The following CENPP variants were observed in gnomAD, a reference collection of about 807,000 sequenced individuals.
CENPP encodes the protein centromere protein P.
In CENPP, 24 loss-of-function variants were observed where a neutral mutation model predicts 35.6. That is an observed-to-expected ratio of 0.67 (90% CI 0.49 to 0.95). The LOEUF (loss-of-function observed/expected upper bound fraction) is 0.95. CENPP is among the 40% of genes least tolerant of loss of function. The pLI, the probability that CENPP is intolerant of heterozygous loss-of-function variation, is 0.00. For missense variants in CENPP, 332 were observed against 345.3 expected (o/e 0.96, Z 0.31); for synonymous variants, 120 against 125.5 (o/e 0.96, Z 0.29).
intron 4 of CENPP, among the ~76,000 whole-genome samples, chr9:92,357,500 T>C (rs1234666298): frequency 2.1e-5 from 2 of 97,308 alleles, no homozygotes; most frequent in African/African-American, 7.3e-5. Context: ...TTATTATTAT[T>C]ATTATTATTT....
intron 5 of CENPP, chr9:92,522,606 A>C (rs562112795): frequency 6.2e-7 from 1 of 1,613,580 alleles, no homozygotes; most frequent in East Asian, 2.2e-5. Context: ...ATTCTACTCC[A>C]GGAAAACTTG....
chr9:92,501,120 A>G, intron 5 of CENPP: 5 of 1,502,836 alleles, frequency 3.3e-6, no homozygotes, highest in Middle Eastern at 1.7e-4. Context: ...CTAAATTTTG[A>G]TAAGGCCAGT....
In CENPP at chr9:92,616,399, T is replaced by C. The variant is rs1433439355; in HGVS notation, c.*3250T>C. The C allele has an allele frequency of 1.0e-4, 22 of 212,074 alleles. No individual in the cohort carries two copies. Among genetic ancestry groups the C allele is most frequent in the Non-Finnish European group, 4.8e-5 (5 of 105,000 alleles). 13.1% of individuals were successfully genotyped at this position (212,074 alleles called of 1,614,324 possible). On this transcript the variant is annotated 3_prime_UTR_variant, in exon 8 of 8. Transcript: ENST00000375587. ...GATGGAAAAGTAATTATGTGGAACA[T>C]GTGAGCGATGTTCCCCCAGCCCAGT...
At chr9:92,343,756 G>A (rs1841192729) in intron 3 of CENPP, among the ~76,000 whole-genome samples, 2 of 151,926 alleles carry the variant, frequency 1.3e-5, no homozygotes, top group Admixed American at 6.6e-5. Flanking sequence ...GGCCAGCCTG[G>A]GCAACATAGC....
In CENPP at chr9:92,536,869, A is replaced by ATTT. The variant is rs11459753; in HGVS notation, c.565-74431_565-74429dup. 1.8e-3 allele frequency among the ~76,000 whole-genome samples: 257 copies of ATTT among 141,560 alleles called. 3 individuals are homozygous for ATTT. The highest frequency in any genetic ancestry group is 7.0e-3 in the South Asian group (31 of 4,412). 92.9% of individuals were successfully genotyped at this position (141,560 alleles called of 152,430 possible). The stretch of plus-strand genomic sequence containing the variant: ...AGGTAATTTTAGAACTATTTTTTAA[A>ATTT]TTTTTTTTTTTTTTTTGAGACGGGA... On this transcript the variant is annotated intron_variant, in intron 5 of 7. Coordinates refer to ENST00000375587, the MANE Select transcript of CENPP (RefSeq NM_001012267.3).
At chr9:92,526,322 A>AC (rs1396346387) in intron 5 of CENPP, among the ~76,000 whole-genome samples, 3 of 152,254 alleles carry the variant, frequency 2.0e-5, no homozygotes, top group Non-Finnish European at 4.4e-5. Context: ...CAACTGTACA[A>AC]TGTATTTGTG....
chr9:92,411,583 C>T (rs1384476824), intron 5 of CENPP, among the ~76,000 whole-genome samples: 1 of 152,172 alleles, frequency 6.6e-6, no homozygotes, highest in Admixed American at 6.5e-5. Context: ...GTGTAATCCA[C>T]CATGCCAGGC....
intron 5 of CENPP, among the ~76,000 whole-genome samples, chr9:92,388,489 G>A (rs962255833): frequency 5.9e-5 from 9 of 151,680 alleles, no homozygotes; most frequent in African/African-American, 2.2e-4. Flanking sequence ...TCTTTAACAT[G>A]TCTGTTATTC....
intron 4 of CENPP, among the ~76,000 whole-genome samples, chr9:92,375,329 A>G (rs988464394): frequency 2.6e-5 from 4 of 151,080 alleles, no homozygotes; most frequent in Admixed American, 6.6e-5. Flanking sequence ...GACTCACTCT[A>G]TTGCCCAGGC....
At chr9:92,411,936 C>T (rs1434644145) in intron 5 of CENPP, among the ~76,000 whole-genome samples, 1 of 152,136 alleles carries the variant, frequency 6.6e-6, no homozygotes, top group Non-Finnish European at 1.5e-5. Flanking sequence ...GTCACTGCCG[C>T]TTTAGCATTT....
chr9:92,555,906 A>T (rs905506310), intron 5 of CENPP, among the ~76,000 whole-genome samples: 1 of 151,718 alleles, frequency 6.6e-6, no homozygotes, highest in South Asian at 2.1e-4. Context: ...TTCTGCTCTA[A>T]TCTTGGTTAT....
At chr9:92,351,437 C>A (rs549776213) in intron 4 of CENPP, among the ~76,000 whole-genome samples, 1 of 150,326 alleles carries the variant, frequency 6.7e-6, no homozygotes, top group African/African-American at 2.4e-5. Flanking sequence ...CCGAGAGCAC[C>A]ACTACACTCC....
At chr9:92,515,216 C>T in intron 5 of CENPP, 2 of 1,536,090 alleles carry the variant, frequency 1.3e-6, no homozygotes, top group South Asian at 1.3e-5. Context: ...AATGACCACG[C>T]AAGGATGAGG....
intron 7 of CENPP, 77 bp from the exon 8 acceptor site, chr9:92,612,942 G>C: frequency 6.4e-7 from 1 of 1,566,792 alleles, no homozygotes. Context: ...TCTTGGTGAG[G>C]TCCATGCCAG....
chr9:92,536,107 C>A, intron 5 of CENPP: 1 of 438,084 alleles, frequency 2.3e-6, no homozygotes, highest in Admixed American at 3.2e-5. Context: ...GGATAAATGC[C>A]TTTCAGTTCT....
rs142930064 is a variant in CENPP at position 92,390,616 on chromosome 9, C to T, written c.564+10757C>T. Among the ~76,000 whole-genome samples, 59 of 151,462 alleles carry T rather than the reference C, an allele frequency of 3.9e-4. No homozygotes were observed. In the East Asian group the frequency reaches 5.4e-3, roughly 14 times the overall value. On this transcript the variant is annotated intron_variant, in intron 5 of 7. Transcript: ENST00000375587. The stretch of plus-strand genomic sequence containing the variant: ...CGCGCGCGTACTTGCGTGTGCATCA[C>T]GTATATCTGGGATAATTAGGAAATC...
intron 3 of CENPP, among the ~76,000 whole-genome samples, chr9:92,344,864 A>G (rs541762662): frequency 1.4e-5 from 2 of 147,774 alleles, no homozygotes; most frequent in East Asian, 4.4e-4. Flanking sequence ...TGCTCATCTT[A>G]TAGGTAAAAA....
chr9:92,434,758 C>T (rs1844205564), intron 5 of CENPP, among the ~76,000 whole-genome samples: 1 of 152,012 alleles, frequency 6.6e-6, no homozygotes, highest in Admixed American at 6.6e-5. Flanking sequence ...AAAAAGTTTT[C>T]TGGGCAAGAT....
rs770840558 is a variant in CENPP at position 92,618,709 on chromosome 9, G to A, written c.*5560G>A. The A allele has an allele frequency of 2.7e-6, 1 of 373,628 alleles. No homozygotes were observed. Among genetic ancestry groups the A allele is most frequent in the South Asian group, 2.0e-5 (1 of 49,778 alleles). The allele number at this position is 373,628 out of a possible 1,614,324, so 23.1% of individuals were successfully genotyped here. On this transcript the variant is annotated 3_prime_UTR_variant, in exon 8 of 8. Transcript: ENST00000375587. Reference sequence around the variant, plus strand: ...TCAGTTAGCCCTATAATGTTCCTCAGTATTTCATATTGGAAAGTAAACAAT... The same window carrying A: ...TCAGTTAGCCCTATAATGTTCCTCAATATTTCATATTGGAAAGTAAACAAT...
Sources: allele counts gnomAD v4.1 joint callset (sites outside exome capture counted in the v4.1 genomes callset), GRCh38; gene constraint gnomAD v4.1.1; transcripts MANE v1.5; gene names NCBI Gene and HGNC (gene_info 2026-07-23, HGNC 2026-07-21).